Variants in PCDHA12 observed in about 807,000 individuals in gnomAD.
PCDHA12 encodes the protein protocadherin alpha 12, also known as protocadherin alpha-12.
Under a neutral mutation model 60.0 loss-of-function variants are expected in PCDHA12, and 44 were observed. The ratio of observed to expected loss-of-function variants is 0.73; its 90% CI spans 0.58 to 0.94. PCDHA12 has a LOEUF of 0.94. PCDHA12 is among the 40% of genes least tolerant of loss of function. The pLI, the probability that PCDHA12 is intolerant of heterozygous loss-of-function variation, is 0.00. For missense variants in PCDHA12, 1,276 were observed against 1,239.7 expected (o/e 1.03, Z -0.44); for synonymous variants, 569 against 553.0 (o/e 1.03, Z -0.40).
In PCDHA12 at chr5:140,877,128, G is replaced by T. The variant is rs782052511; in HGVS notation, c.1656G>T (p.Gln552His). The change falls in exon 1 of 4, where the codon CAG becomes CAT. Residue 552 changes from glutamine (Q) to histidine (H), a missense_variant. Physicochemically the swap from Gln to His is conservative, Grantham distance 24. Coordinates refer to ENST00000398631, the MANE Select transcript of PCDHA12 (RefSeq NM_018903.4). ...VPPLGSNVTL[Q>H]VFVLDENDNA... ...CTCTGGGCAGCAACGTGACGCTGCA[G>T]GTGTTCGTGCTGGACGAGAACGACA... is the stretch of plus-strand genomic sequence containing the variant. 3.1e-6 allele frequency: 5 copies of T among 1,613,644 alleles called. No homozygotes were observed. The African/African-American group carries it at 5.3e-5, about 17-fold the overall frequency.
chr5:140,969,061 T>C (rs782313439), intron 1 of PCDHA12: 25 of 1,614,070 alleles, frequency 1.5e-5, no homozygotes, highest in Non-Finnish European at 4.2e-6. Flanking sequence ...ACAATATTGA[T>C]GCCAGGATAC....
chr5:140,876,169 C>G lies in PCDHA12; in HGVS notation c.697C>G (p.Leu233Val). The G allele has an allele frequency of 6.2e-7, 1 of 1,613,916 alleles. No homozygotes were observed. Among genetic ancestry groups the G allele is most frequent in the African/African-American group, 1.3e-5 (1 of 75,018 alleles). ...TGSVQIQITV[L>V]DVNDNGPAFD... Reference sequence around the variant, plus strand: ...GTCTGTCCAGATTCAAATAACCGTCCTGGATGTGAATGACAATGGTCCGGC... The same window carrying G: ...GTCTGTCCAGATTCAAATAACCGTCGTGGATGTGAATGACAATGGTCCGGC... Residue 233 changes from leucine to valine, a missense_variant, in exon 1 of 4, where the codon CTG becomes GTG. Transcript: ENST00000398631.
At chr5:141,008,341 T>C (rs1307430556) in intron 3 of PCDHA12, among the ~76,000 whole-genome samples, 2 of 152,132 alleles carry the variant, frequency 1.3e-5, no homozygotes, top group African/African-American at 4.8e-5. Context: ...TGATGGAGCT[T>C]TTCACGTGTC....
chr5:140,984,659 C>G (rs560265457), intron 3 of PCDHA12, among the ~76,000 whole-genome samples: 4 of 152,246 alleles, frequency 2.6e-5, no homozygotes, highest in African/African-American at 9.6e-5. Flanking sequence ...CCTTCTGGTA[C>G]TTTTAGGTTT....
At chr5:140,927,651 C>A in intron 1 of PCDHA12, 2 of 1,614,216 alleles carry the variant, frequency 1.2e-6, no homozygotes, top group Non-Finnish European at 1.7e-6. Context: ...CTGTGTTATT[C>A]CGAGTTCAAG....
At chr5:140,997,141 C>T (rs941650589) in intron 3 of PCDHA12, among the ~76,000 whole-genome samples, 6 of 152,088 alleles carry the variant, frequency 3.9e-5, no homozygotes, top group Admixed American at 2.6e-4. Flanking sequence ...CCCACACCCC[C>T]GCCACAGTGA....
At chr5:140,955,233 T>A (rs1554221819) in intron 1 of PCDHA12, among the ~76,000 whole-genome samples, 1 of 152,198 alleles carries the variant, frequency 6.6e-6, no homozygotes, top group African/African-American at 2.4e-5. Flanking sequence ...TTTGTTCTTT[T>A]GCTTAGGATC....
At chr5:140,997,098 C>T (rs1328956245) in intron 3 of PCDHA12, among the ~76,000 whole-genome samples, 12 of 152,128 alleles carry the variant, frequency 7.9e-5, no homozygotes, top group Admixed American at 5.2e-4. Context: ...GCAGAGTTCT[C>T]ATGCACTCCT....
In PCDHA12 at chr5:140,875,842, A is replaced by G. The variant is rs782682417; in HGVS notation, c.370A>G (p.Lys124Glu). The change falls in exon 1 of 4, where the codon AAG becomes GAG. Residue 124 changes from lysine (K) to glutamate (E), a missense_variant. Lys to Glu is a moderately conservative substitution (Grantham distance 56). Transcript: ENST00000398631. ...LQVFHVDVEV[K>E]DINDNPPVFR... The stretch of plus-strand genomic sequence containing the variant: ...GGTTTTCCATGTGGACGTGGAGGTG[A>G]AGGACATTAACGACAACCCGCCGGT... 1 of 1,614,146 alleles carries G rather than the reference A, an allele frequency of 6.2e-7. No homozygotes were observed. Among genetic ancestry groups the G allele is most frequent in the Non-Finnish European group, 8.5e-7 (1 of 1,180,006 alleles).
intron 1 of PCDHA12, chr5:140,883,054 C>T: frequency 6.2e-7 from 1 of 1,614,072 alleles, no homozygotes; most frequent in South Asian, 1.1e-5. Context: ...CATTAGTGAT[C>T]AAGCTAAATG....
intron 1 of PCDHA12, among the ~76,000 whole-genome samples, chr5:140,917,503 T>G (rs1423295268): frequency 6.6e-6 from 1 of 152,208 alleles, no homozygotes; most frequent in African/African-American, 2.4e-5. Flanking sequence ...AGAATGATAT[T>G]TTCTAGGTTT....
intron 1 of PCDHA12, among the ~76,000 whole-genome samples, chr5:140,971,716 A>G (rs1554233565): frequency 1.3e-5 from 2 of 152,026 alleles, no homozygotes; most frequent in African/African-American, 4.8e-5. Context: ...ATATAGATAT[A>G]TGTATATCAT....
chr5:140,889,639 G>A (rs1271182789), intron 1 of PCDHA12, among the ~76,000 whole-genome samples: 1 of 151,770 alleles, frequency 6.6e-6, no homozygotes, highest in Non-Finnish European at 1.5e-5. Flanking sequence ...TTTCATTTGT[G>A]TTTGCAGGAG....
At chr5:140,879,201 G>A (rs2057895897) in intron 1 of PCDHA12, among the ~76,000 whole-genome samples, 1 of 152,164 alleles carries the variant, frequency 6.6e-6, no homozygotes, top group Non-Finnish European at 1.5e-5. Context: ...TTAAATTATG[G>A]CAGTAGAAAT....
intron 3 of PCDHA12, among the ~76,000 whole-genome samples, chr5:140,988,690 C>T (rs1286168942): frequency 2.6e-5 from 4 of 152,148 alleles, no homozygotes; most frequent in South Asian, 2.1e-4. Flanking sequence ...TTTCCCTAGA[C>T]GCTCTGTATT....
intron 1 of PCDHA12, chr5:140,969,304 C>A (rs782271875): frequency 9.3e-6 from 15 of 1,614,042 alleles, no homozygotes; most frequent in African/African-American, 1.3e-5. Flanking sequence ...TGATTATTCT[C>A]AAAAATGAGG....
intron 1 of PCDHA12, among the ~76,000 whole-genome samples, chr5:140,972,955 C>T (rs1450892735): frequency 6.6e-6 from 1 of 152,080 alleles, no homozygotes; most frequent in African/African-American, 2.4e-5. Context: ...AGCCACCATG[C>T]CCGGCAAAGG....
At chr5:140,918,186 C>T (rs1177570782) in intron 1 of PCDHA12, among the ~76,000 whole-genome samples, 1 of 151,888 alleles carries the variant, frequency 6.6e-6, no homozygotes, top group Non-Finnish European at 1.5e-5. Flanking sequence ...TTGATTTGGC[C>T]CTCAGCTTGG....
At chr5:141,004,497 T>C (rs2098168493) in intron 3 of PCDHA12, among the ~76,000 whole-genome samples, 1 of 152,218 alleles carries the variant, frequency 6.6e-6, no homozygotes, top group South Asian at 2.1e-4. Context: ...TTGGCAGTCC[T>C]GCTGTGAGGG....
Sources: gnomAD v4.1 joint callset for allele counts (sites outside exome capture counted in the v4.1 genomes callset) on GRCh38, gnomAD v4.1.1 for gene constraint, MANE v1.5 for transcripts, NCBI Gene and HGNC (gene_info 2026-07-23, HGNC 2026-07-21) for gene names.